The following SLC8A3 variants were observed in gnomAD, a reference collection of about 807,000 sequenced individuals.
SLC8A3 encodes the protein solute carrier family 8 member A3, also known as sodium/calcium exchanger 3.
SLC8A3 carries 37 observed loss-of-function variants against 65.4 expected under a neutral mutation model. That is an observed-to-expected ratio of 0.57 (90% CI 0.44 to 0.74). The LOEUF (loss-of-function observed/expected upper bound fraction) is 0.74. SLC8A3 is among the 30% of genes least tolerant of loss of function. The pLI, the probability that SLC8A3 is intolerant of heterozygous loss-of-function variation, is 0.00. For synonymous variants in SLC8A3, 461 were observed against 444.5 expected (o/e 1.04, Z -0.47); for missense variants, 1,112 against 1,172.1 (o/e 0.95, Z 0.75).
intron 2 of SLC8A3, among the ~76,000 whole-genome samples, chr14:70,145,590 G>A (rs899111133): frequency 4.6e-5 from 7 of 152,198 alleles, no homozygotes; most frequent in African/African-American, 1.7e-4. Flanking sequence ...GATTATACAG[G>A]GGGATTCCCC....
At chr14:70,102,819 C>T (rs532019065) in intron 2 of SLC8A3, among the ~76,000 whole-genome samples, 1 of 151,856 alleles carries the variant, frequency 6.6e-6, no homozygotes, top group Admixed American at 6.6e-5. Flanking sequence ...TATGGGACAA[C>T]GTCATGCAGT....
At chr14:70,185,956 A>G (rs1311761423) in intron 1 of SLC8A3, among the ~76,000 whole-genome samples, 1 of 152,240 alleles carries the variant, frequency 6.6e-6, no homozygotes, top group Admixed American at 6.5e-5. Flanking sequence ...CCGAATGAAT[A>G]AACAAATATT....
intron 6 of SLC8A3, chr14:70,048,288 T>G: frequency 3.6e-6 from 1 of 276,400 alleles, no homozygotes; most frequent in Non-Finnish European, 6.8e-6. Context: ...TTTGATATCT[T>G]TGAGCTGGCT....
At chr14:70,051,166 G>T in intron 4 of SLC8A3, 59 bp from the exon 5 acceptor site, 2 of 1,165,162 alleles carry the variant, frequency 1.7e-6, no homozygotes, top group Non-Finnish European at 2.6e-6. Context: ...CCAATGAGGA[G>T]TCTGGTTCTT....
At chr14:70,100,853 T>C (rs1424648750) in intron 2 of SLC8A3, among the ~76,000 whole-genome samples, 1 of 152,246 alleles carries the variant, frequency 6.6e-6, no homozygotes. Flanking sequence ...TCTGGTACTA[T>C]GAGCATTGCC....
intron 5 of SLC8A3, among the ~76,000 whole-genome samples, chr14:70,050,693 G>A (rs372740218): frequency 1.3e-5 from 2 of 152,134 alleles, no homozygotes; most frequent in Non-Finnish European, 2.9e-5. Flanking sequence ...TATTGAGTTT[G>A]GATTTTATAC....
At chr14:70,052,259 T>C in intron 3 of SLC8A3, 145 bp from the exon 4 acceptor site, 1 of 968,148 alleles carries the variant, frequency 1.0e-6, no homozygotes, top group Non-Finnish European at 1.4e-6. Flanking sequence ...GTGCCTTTTT[T>C]ATGAAGTACT....
At chr14:70,135,667 A>G (rs752441195) in intron 2 of SLC8A3, among the ~76,000 whole-genome samples, 6 of 151,300 alleles carry the variant, frequency 4.0e-5, no homozygotes, top group Non-Finnish European at 7.4e-5. Context: ...GCATAGTCTC[A>G]CTCATATATG....
chr14:70,180,999 A>T (rs11625884), intron 1 of SLC8A3, among the ~76,000 whole-genome samples: 104,282 of 152,054 alleles, frequency 0.69, 35,940 homozygotes, highest in Admixed American at 0.72. Flanking sequence ...TGAAAGATAC[A>T]GTCAGCACTA....
intron 2 of SLC8A3, among the ~76,000 whole-genome samples, chr14:70,154,147 C>A (rs61978179): frequency 6.6e-6 from 1 of 152,098 alleles, no homozygotes; most frequent in Non-Finnish European, 1.5e-5. Context: ...AAAGAAGAAA[C>A]GTAGAATGCA....
At position 70,167,504 on chromosome 14, in the gene SLC8A3, T is replaced by C. The variant is rs1300470164; in HGVS notation, c.919A>G (p.Lys307Glu). The change falls in exon 2 of 7, where the codon AAG (lysine) becomes GAG (glutamate). Residue 307 changes from lysine (K) to glutamate (E), a missense_variant. Lys to Glu is a moderately conservative substitution (Grantham distance 56). Coordinates refer to ENST00000356921, the MANE Select transcript of SLC8A3 (RefSeq NM_182932.3). Reference protein sequence around the residue: ...LDGNLVPLEGKEVDESRREMI... With the variant: ...LDGNLVPLEGEEVDESRREMI... ...TCTCTGCGGGACTCATCCACTTCCT[T>C]CCCTTCCAGGGGCACCAGGTTCCCA... 5.6e-6 allele frequency: 9 copies of C among 1,613,918 alleles called. No individual in the cohort carries two copies. Among genetic ancestry groups the C allele is most frequent in the Non-Finnish European group, 6.8e-6 (8 of 1,180,010 alleles).
At chr14:70,127,363 C>T (rs1004164295) in intron 2 of SLC8A3, among the ~76,000 whole-genome samples, 4 of 151,908 alleles carry the variant, frequency 2.6e-5, no homozygotes, top group Admixed American at 1.3e-4. Context: ...TTTTTGACCC[C>T]GCCCAGGTAG....
At chr14:70,140,332 C>G (rs779070063) in intron 2 of SLC8A3, among the ~76,000 whole-genome samples, 2 of 152,106 alleles carry the variant, frequency 1.3e-5, no homozygotes, top group Admixed American at 6.5e-5. Flanking sequence ...ACACTTACAG[C>G]GGCCATATAA....
chr14:70,116,178 G>A (rs1489957049), intron 2 of SLC8A3, among the ~76,000 whole-genome samples: 1 of 152,250 alleles, frequency 6.6e-6, no homozygotes, highest in Non-Finnish European at 1.5e-5. Flanking sequence ...GGGTGGCTGG[G>A]GAAATAATAA....
At chr14:70,150,090 G>A (rs11158839) in intron 2 of SLC8A3, among the ~76,000 whole-genome samples, 16,427 of 152,184 alleles carry the variant, frequency 0.11, 1,171 homozygotes, top group Non-Finnish European at 0.16. Context: ...TGAGCAAAAC[G>A]CTGGCCCAGA....
intron 2 of SLC8A3, among the ~76,000 whole-genome samples, chr14:70,087,922 C>G (rs577016023): frequency 2.0e-5 from 3 of 152,272 alleles, no homozygotes; most frequent in South Asian, 4.1e-4. Flanking sequence ...ATTGGATTCT[C>G]TGTCCACCAA....
In SLC8A3 at chr14:70,156,812, G is replaced by A. The variant is rs74062812; in HGVS notation, c.1784+9827C>T. The stretch of plus-strand genomic sequence containing the variant: ...CATTCTATCCCTGGCAGGCATGAAT[G>A]GCAGGGAAGCTTTCTGTCTTGCTTT... On this transcript the variant is annotated intron_variant, in intron 2 of 6. Coordinates refer to ENST00000356921, the MANE Select transcript of SLC8A3 (RefSeq NM_182932.3). 9.4e-3 allele frequency among the ~76,000 whole-genome samples: 1,430 copies of A among 152,288 alleles called. 20 individuals are homozygous for A. Among genetic ancestry groups the A allele is most frequent in the African/African-American group, 0.032 (1,312 of 41,544 alleles).
At chr14:70,051,948 T>C (rs371468172) in intron 4 of SLC8A3, 42 bp downstream of exon 4, 4 of 1,574,164 alleles carry the variant, frequency 2.5e-6, no homozygotes, top group Non-Finnish European at 3.5e-6. Flanking sequence ...CCTCCCACTT[T>C]AATTTATTTA....
chr14:70,103,255 A>C (rs1013213405), intron 2 of SLC8A3, among the ~76,000 whole-genome samples: 8 of 152,082 alleles, frequency 5.3e-5, no homozygotes, highest in Non-Finnish European at 7.4e-5. Flanking sequence ...GGAAATAGAG[A>C]ATATGTTGCT....
Sources: allele counts gnomAD v4.1 joint callset (sites outside exome capture counted in the v4.1 genomes callset), GRCh38; gene constraint gnomAD v4.1.1; transcripts MANE v1.5; gene names NCBI Gene and HGNC (gene_info 2026-07-23, HGNC 2026-07-21).